Variants in PLPP4 observed in about 807,000 individuals in gnomAD.
PLPP4 encodes phospholipid phosphatase 4.
PLPP4 carries 20 observed loss-of-function variants against 32.2 expected under a neutral mutation model. That is an observed-to-expected ratio of 0.62 (90% CI 0.44 to 0.90). The LOEUF (loss-of-function observed/expected upper bound fraction) is 0.90. Among genes scored for constraint, PLPP4 ranks in the 40% least tolerant of loss-of-function variants. The probability of loss-of-function intolerance (pLI) is 0.00; values close to 1 mark genes in which losing one functional copy is unlikely to be tolerated. For synonymous variants in PLPP4, 127 were observed against 133.0 expected (o/e 0.95, Z 0.31); for missense variants, 257 against 353.1 (o/e 0.73, Z 2.18).
chr10:120,530,414 G>C (rs1846649101), intron 5 of PLPP4, among the ~76,000 whole-genome samples: 1 of 152,084 alleles, frequency 6.6e-6, no homozygotes, highest in African/African-American at 2.4e-5. Context: ...GAGTCATATA[G>C]TATGTGCTCT....
In PLPP4 at chr10:120,498,654, CTT is replaced by C. The variant is rs11287636; in HGVS notation, c.57-5152_57-5151del. On this transcript the variant is annotated intron_variant, in intron 1 of 6. Transcript: ENST00000398250. ...ACATAGACACACCAGCTCTTCTATT[CTT>C]TTTTTTTTTTTCTTTTTTTTTTGAG... Among the ~76,000 whole-genome samples the C allele has an allele frequency of 9.7e-3, 1,387 of 143,394 alleles. 24 individuals carry two copies. The highest frequency in any genetic ancestry group is 0.033 in the African/African-American group (1,288 of 38,786). The allele number at this position is 143,394 out of a possible 152,430, so 94.1% of individuals were successfully genotyped here.
At chr10:120,493,253 G>T (rs989562703) in intron 1 of PLPP4, among the ~76,000 whole-genome samples, 1 of 152,058 alleles carries the variant, frequency 6.6e-6, no homozygotes, top group Non-Finnish European at 1.5e-5. Flanking sequence ...AACTTTATTC[G>T]TGGGTTCACC....
Position 120,589,487 on chromosome 10 carries a change from C to T in PLPP4, c.801C>T (p.Thr267=), listed in dbSNP as rs766750732. The change falls in exon 7 of 7, where the codon ACC becomes ACT. Residue 267 remains threonine, a synonymous_variant. Transcript: ENST00000398250. ...CCAGCTTGCCTCTGGAGGGGATCAC[C>T]GAAGGCCCGGTATGACCAGTGTCCT... ...SAPSLPLEGI[T]EGPV 26 of 1,613,886 alleles carry T rather than the reference C, an allele frequency of 1.6e-5. No homozygotes were observed. Among genetic ancestry groups the T allele is most frequent in the East Asian group, 6.7e-5 (3 of 44,876 alleles).
At chr10:120,545,047 G>A (rs1847548638) in intron 5 of PLPP4, among the ~76,000 whole-genome samples, 1 of 152,236 alleles carries the variant, frequency 6.6e-6, no homozygotes, top group Non-Finnish European at 1.5e-5. Context: ...AGAAGGCATT[G>A]CTGATCAGAG....
In PLPP4 at chr10:120,469,202, A is replaced by G. The variant is rs542594756; in HGVS notation, c.56+11841A>G. ...TGTAATAGTTAAGGAAAAGCACTAT[A>G]CAAAAATATACCTCGGAACTGCAAC... is the stretch of plus-strand genomic sequence containing the variant. On this transcript the variant is annotated intron_variant, in intron 1 of 6. Coordinates refer to ENST00000398250, the MANE Select transcript of PLPP4 (RefSeq NM_001030059.3). Among the ~76,000 whole-genome samples, 46 of 57,856 alleles carry G rather than the reference A, an allele frequency of 8.0e-4. 18 individuals carry two copies. The South Asian group carries it at 0.038, about 48-fold the overall frequency. 38.0% of individuals were successfully genotyped at this position (57,856 alleles called of 152,430 possible).
intron 5 of PLPP4, among the ~76,000 whole-genome samples, chr10:120,522,191 G>A (rs1846183688): frequency 6.6e-6 from 1 of 152,168 alleles, no homozygotes; most frequent in African/African-American, 2.4e-5. Flanking sequence ...CCTTTAGCAA[G>A]CCTGCTATTT....
intron 3 of PLPP4, 143 bp from the exon 4 acceptor site, chr10:120,518,688 ATC>A (rs1846030494): frequency 1.7e-6 from 1 of 594,676 alleles, no homozygotes; most frequent in African/African-American, 1.9e-5. Context: ...ACCCAAACGT[ATC>A]TCTGTTTTCA....
intron 1 of PLPP4, among the ~76,000 whole-genome samples, 161 bp downstream of exon 1, chr10:120,457,522 A>G (rs1847843752): frequency 6.6e-6 from 1 of 152,016 alleles, no homozygotes; most frequent in Non-Finnish European, 1.5e-5. Context: ...CGGGACCAAG[A>G]GAGACCCTTC....
At chr10:120,524,460 A>G (rs893263787) in intron 5 of PLPP4, among the ~76,000 whole-genome samples, 9 of 152,206 alleles carry the variant, frequency 5.9e-5, no homozygotes, top group Admixed American at 4.6e-4. Context: ...CTAGGTAGAC[A>G]TGGGTTTTGC....
chr10:120,555,981 C>A (rs906042067), intron 5 of PLPP4, among the ~76,000 whole-genome samples: 2 of 152,164 alleles, frequency 1.3e-5, no homozygotes, highest in Non-Finnish European at 2.9e-5. Context: ...AGACTGGTGG[C>A]TTGTGGCTTG....
At chr10:120,585,348 T>C (rs546241773) in intron 6 of PLPP4, among the ~76,000 whole-genome samples, 37 of 152,272 alleles carry the variant, frequency 2.4e-4, no homozygotes, top group African/African-American at 8.7e-4. Flanking sequence ...GACAAACGTG[T>C]TTTTAAGTTC....
chr10:120,581,112 T>G (rs1212238332), intron 6 of PLPP4: 2 of 1,232,052 alleles, frequency 1.6e-6, no homozygotes, highest in Non-Finnish European at 2.1e-6. Flanking sequence ...AGAGAGGCAT[T>G]CTCAGTCAGG....
At chr10:120,506,895 TTGACCAGAGAGACTG>T (rs1016597896) in intron 2 of PLPP4, among the ~76,000 whole-genome samples, 1 of 152,234 alleles carries the variant, frequency 6.6e-6, no homozygotes, top group African/African-American at 2.4e-5. Flanking sequence ...AGTGTTCCTG[TTGACCAGAGAGACTG>T]GCTGAGAATT....
At chr10:120,520,831 T>G in intron 4 of PLPP4, 140 bp from the exon 5 acceptor site, 3 of 1,010,868 alleles carry the variant, frequency 3.0e-6, no homozygotes, top group Non-Finnish European at 4.4e-6. Context: ...GTGTCTAGAG[T>G]ATTCTGTGAG....
rs770050097 is a variant in PLPP4, at chr10:120,457,270, AC to A, written c.-34del. The A allele has an allele frequency of 2.7e-6, 4 of 1,465,152 alleles. No individual in the cohort carries two copies. The Admixed American group carries it at 9.2e-5, about 34-fold the overall frequency. 90.8% of individuals were successfully genotyped at this position (1,465,152 alleles called of 1,614,324 possible). A position where few individuals can be genotyped will look rare whatever the true frequency, so the allele number is the denominator to read the frequency against. On this transcript the variant is annotated 5_prime_UTR_variant, in exon 1 of 7. Coordinates refer to ENST00000398250, the MANE Select transcript of PLPP4 (RefSeq NM_001030059.3). ...CCGAGCTGCGGGAGCCGCGGAGAGC[AC>A]CAGCTGACGCCGCGGGAGCTGCTCC...
intron 1 of PLPP4, among the ~76,000 whole-genome samples, chr10:120,501,782 A>G (rs979236144): frequency 1.3e-5 from 2 of 152,220 alleles, no homozygotes; most frequent in Non-Finnish European, 2.9e-5. Context: ...CCACATTACC[A>G]GACAATGTTC....
intron 5 of PLPP4, 107 bp downstream of exon 5, chr10:120,521,202 C>A: frequency 7.3e-7 from 1 of 1,370,314 alleles, no homozygotes; most frequent in Non-Finnish European, 9.9e-7. Context: ...ATGTTAAGCG[C>A]AGTTCATTTT....
chr10:120,519,260 A>G (rs1008128106), intron 4 of PLPP4, among the ~76,000 whole-genome samples: 1 of 152,086 alleles, frequency 6.6e-6, no homozygotes, highest in Non-Finnish European at 1.5e-5. Flanking sequence ...TCAGGATGAG[A>G]CATATGGATT....
At chr10:120,459,439 G>A (rs944687214) in intron 1 of PLPP4, among the ~76,000 whole-genome samples, 2 of 152,238 alleles carry the variant, frequency 1.3e-5, no homozygotes, top group African/African-American at 4.8e-5. Context: ...GGACGGCTGG[G>A]AGCATGCAGA....
Sources: allele counts gnomAD v4.1 joint callset (sites outside exome capture counted in the v4.1 genomes callset), GRCh38; gene constraint gnomAD v4.1.1; transcripts MANE v1.5; gene names NCBI Gene and HGNC (gene_info 2026-07-23, HGNC 2026-07-21).